ACYP2: variants seen among roughly 807,000 people sequenced by gnomAD.
The protein encoded by ACYP2 is acylphosphatase-2.
ACYP2 carries 12 observed loss-of-function variants against 11.2 expected under a neutral mutation model. The observed-to-expected ratio is 1.08, with a 90% CI of 0.69 to 1.74. ACYP2 has a LOEUF of 1.74. Among genes scored for constraint, ACYP2 ranks in the 40% most tolerant of loss-of-function variants. The probability of loss-of-function intolerance (pLI) is 0.00; values close to 1 mark genes in which losing one functional copy is unlikely to be tolerated. For missense variants in ACYP2, 134 were observed against 101.9 expected (o/e 1.31, Z -1.35); for synonymous variants, 43 against 32.2 (o/e 1.33, Z -1.13).
At position 54,050,995 on chromosome 2, in the gene ACYP2, A is replaced by T; in HGVS notation, c.100A>T (p.Thr34Ser). Residue 34 changes from threonine (T) to serine (S), a missense_variant, in exon 3 of 7, where the codon ACT (threonine) becomes TCT (serine). Physicochemically the swap from Thr to Ser is moderately conservative, Grantham distance 58 (BLOSUM62 1). Coordinates refer to ENST00000607452, the MANE Select transcript of ACYP2 (RefSeq NM_001320586.2). ...GCTGTTCTACCTAGGCTGTTCTAGAACTCCTAATGTCAAGCTATCCTCCTG... is the reference window on the plus strand; with the variant it reads ...GCTGTTCTACCTAGGCTGTTCTAGATCTCCTAATGTCAAGCTATCCTCCTG... 1 of 447,468 alleles carries T rather than the reference A, an allele frequency of 2.2e-6. No homozygotes were observed. Among genetic ancestry groups the T allele is most frequent in the Non-Finnish European group, 3.9e-6 (1 of 256,466 alleles). 27.7% of individuals were successfully genotyped at this position (447,468 alleles called of 1,614,324 possible).
chr2:54,062,664 G>T (rs888479977), intron 4 of ACYP2, among the ~76,000 whole-genome samples: 21 of 152,272 alleles, frequency 1.4e-4, no homozygotes, highest in African/African-American at 5.1e-4. Context: ...AGACTTTCTG[G>T]TTATCATGAA....
At chr2:54,176,740 G>T (rs1221080199) in intron 6 of ACYP2, among the ~76,000 whole-genome samples, 2 of 152,116 alleles carry the variant, frequency 1.3e-5, no homozygotes, top group Non-Finnish European at 2.9e-5. Context: ...AGCTGCTAAT[G>T]GTTCTATCCA....
chr2:54,104,196 TGCCTGG>T (rs2103707088), intron 4 of ACYP2, among the ~76,000 whole-genome samples: 1 of 152,322 alleles, frequency 6.6e-6, no homozygotes, highest in African/African-American at 2.4e-5. Context: ...ATACTGATGC[TGCCTGG>T]TGTGGGACAA....
At chr2:54,255,847 G>A in intron 6 of ACYP2, 2 of 1,614,054 alleles carry the variant, frequency 1.2e-6, no homozygotes, top group Non-Finnish European at 1.7e-6. Context: ...CAGCGAGGCA[G>A]AGGCCGCTTC....
At chr2:53,977,532 A>C (rs977261672) in intron 2 of ACYP2, among the ~76,000 whole-genome samples, 1 of 151,700 alleles carries the variant, frequency 6.6e-6, no homozygotes, top group Non-Finnish European at 1.5e-5. Context: ...CAAGAGTTTG[A>C]GACCAGCCTG....
At chr2:54,041,032 G>C (rs192979841) in intron 2 of ACYP2, among the ~76,000 whole-genome samples, 2 of 152,210 alleles carry the variant, frequency 1.3e-5, no homozygotes, top group Non-Finnish European at 2.9e-5. Context: ...GGTGGTGTCT[G>C]GTTCACAAGG....
intron 4 of ACYP2, among the ~76,000 whole-genome samples, chr2:54,095,615 AC>A (rs903993549): frequency 7.4e-5 from 9 of 121,930 alleles, no homozygotes; most frequent in African/African-American, 2.0e-4. Flanking sequence ...TGGGGGGCTG[AC>A]CCCCCCACCT....
At position 54,038,673 on chromosome 2, in the gene ACYP2, CTATATATATATATATATA is replaced by C. The variant is rs56817782; in HGVS notation, c.63-12262_63-12245del. ...TCATTCAATAAATCTTTATTGAATA[CTATATATATATATATATA>C]TATATATATATATATATATATACTC... On this transcript the variant is annotated intron_variant, in intron 2 of 6. Transcript: ENST00000607452. Among the ~76,000 whole-genome samples the C allele has an allele frequency of 1.4e-3, 146 of 106,106 alleles. 1 individual carries two copies. The highest frequency in any genetic ancestry group is 4.7e-3 in the African/African-American group (126 of 26,836). The allele number at this position is 106,106 out of a possible 152,430, so 69.6% of individuals were successfully genotyped here.
intron 4 of ACYP2, among the ~76,000 whole-genome samples, chr2:54,078,344 T>A (rs1327813310): frequency 1.3e-5 from 2 of 149,182 alleles, no homozygotes; most frequent in African/African-American, 5.0e-5. Context: ...AGAAGTGATA[T>A]CTTCCTAAAA....
intron 4 of ACYP2, among the ~76,000 whole-genome samples, chr2:54,112,262 A>G (rs1205757743): frequency 2.6e-5 from 4 of 152,238 alleles, no homozygotes; most frequent in Non-Finnish European, 5.9e-5. Context: ...TTCAACCAGT[A>G]GTAACACAAA....
intron 6 of ACYP2, among the ~76,000 whole-genome samples, chr2:54,273,211 A>G (rs1034877013): frequency 4.6e-5 from 7 of 152,366 alleles, no homozygotes; most frequent in South Asian, 4.1e-4. Flanking sequence ...GTGCACATGC[A>G]TTAACATTTC....
chr2:54,092,174 T>G (rs1678270834), intron 4 of ACYP2, among the ~76,000 whole-genome samples: 1 of 152,112 alleles, frequency 6.6e-6, no homozygotes, highest in Non-Finnish European at 1.5e-5. Flanking sequence ...CAGTTCAGTT[T>G]TGAAGATGTT....
At chr2:54,204,711 C>T (rs1233932024) in intron 6 of ACYP2, among the ~76,000 whole-genome samples, 2 of 152,142 alleles carry the variant, frequency 1.3e-5, no homozygotes, top group East Asian at 3.9e-4. Context: ...CTAAAAAACT[C>T]AATTCTTTCT....
At chr2:54,018,086 G>A (rs1334030622) in intron 2 of ACYP2, among the ~76,000 whole-genome samples, 1 of 152,126 alleles carries the variant, frequency 6.6e-6, no homozygotes, top group Non-Finnish European at 1.5e-5. Context: ...GTGGGGAGAC[G>A]ATGGACCTGT....
intron 6 of ACYP2, among the ~76,000 whole-genome samples, chr2:54,150,276 G>T (rs1004447160): frequency 2.0e-4 from 30 of 152,140 alleles, no homozygotes; most frequent in African/African-American, 7.2e-4. Flanking sequence ...TTACCATCTG[G>T]CCTTCTACAG....
intron 6 of ACYP2, among the ~76,000 whole-genome samples, chr2:54,173,962 G>A (rs1279535081): frequency 2.6e-5 from 4 of 152,284 alleles, no homozygotes; most frequent in Middle Eastern, 3.4e-3. Context: ...AAGTCAGGTA[G>A]TGTGATGCCT....
intron 6 of ACYP2, among the ~76,000 whole-genome samples, chr2:54,233,318 T>TC (rs1686326709): frequency 6.6e-6 from 1 of 150,908 alleles, no homozygotes. Flanking sequence ...TTTTTTTTTT[T>TC]TTTTTTGAGA....
chr2:54,222,799 T>C (rs370405196), intron 6 of ACYP2, among the ~76,000 whole-genome samples: 16 of 152,162 alleles, frequency 1.1e-4, no homozygotes, highest in African/African-American at 3.4e-4. Flanking sequence ...GGAGGCCACC[T>C]TGATTTGCCA....
intron 6 of ACYP2, among the ~76,000 whole-genome samples, chr2:54,182,047 A>ATTTTTTTTTTTTTTTTT (rs35145998): frequency 1.4e-4 from 12 of 83,062 alleles, no homozygotes; most frequent in African/African-American, 6.2e-4. Context: ...ATAGAAGATA[A>ATTTTTTTTTTTTTTTTT]TTTTTTTTTT....
Sources: gnomAD v4.1 joint callset for allele counts (sites outside exome capture counted in the v4.1 genomes callset) on GRCh38, gnomAD v4.1.1 for gene constraint, MANE v1.5 for transcripts, NCBI Gene and HGNC (gene_info 2026-07-23, HGNC 2026-07-21) for gene names.